The following GSN variants were observed in gnomAD, a reference collection of about 807,000 sequenced individuals.
The protein encoded by GSN is gelsolin.
GSN carries 56 observed loss-of-function variants against 85.7 expected under a neutral mutation model. The observed-to-expected ratio is 0.65, with a 90% CI of 0.53 to 0.82. The LOEUF is 0.82. GSN is among the 40% of genes least tolerant of loss of function. The pLI is 0.00. For synonymous variants in GSN, 373 were observed against 399.1 expected (o/e 0.93, Z 0.78); for missense variants, 857 against 979.8 (o/e 0.87, Z 1.67).
At chr9:121,203,839 G>A (rs577116273), upstream of GSN, among the ~76,000 whole-genome samples, 5 of 152,286 alleles carry the variant, frequency 3.3e-5, no homozygotes, top group Non-Finnish European at 7.4e-5. Context: ...TATATAATAA[G>A]AAATGGAAAT....
At chr9:121,303,448 G>A (rs964130327) in intron 4 of GSN, among the ~76,000 whole-genome samples, 2 of 152,228 alleles carry the variant, frequency 1.3e-5, no homozygotes, top group Admixed American at 1.3e-4. Flanking sequence ...CTTGCCAACA[G>A]AGGGCCCCGT....
chr9:121,300,366 T>C (rs1340057618), intron 2 of GSN, among the ~76,000 whole-genome samples: 1 of 152,136 alleles, frequency 6.6e-6, no homozygotes, highest in Non-Finnish European at 1.5e-5. Flanking sequence ...TACGATTCCT[T>C]GTTCTCATTT....
intron 1 of GSN, among the ~76,000 whole-genome samples, chr9:121,269,275 C>T (rs996479974): frequency 2.0e-5 from 3 of 152,192 alleles, no homozygotes; most frequent in East Asian, 1.9e-4. Context: ...TCTCACCGCT[C>T]TGCCGTTTAC....
intron 6 of GSN, among the ~76,000 whole-genome samples, chr9:121,260,679 G>A (rs1358457032): frequency 2.0e-5 from 3 of 152,214 alleles, no homozygotes; most frequent in Non-Finnish European, 4.4e-5. Flanking sequence ...AGACTCAGAG[G>A]AGTGGATGAC....
chr9:121,286,880 C>T (rs555509527), intron 2 of GSN: 8 of 824,118 alleles, frequency 9.7e-6, no homozygotes, highest in African/African-American at 3.4e-5. Context: ...TTTGTTCCTC[C>T]GTCTATAAAA....
chr9:121,283,385 C>T (rs1350076247), intron 2 of GSN: 1 of 154,866 alleles, frequency 6.5e-6, no homozygotes, highest in African/African-American at 2.4e-5. Flanking sequence ...GCAACCTCCT[C>T]CTCCCAGGTA....
At position 121,329,697 on chromosome 9, in the gene GSN, C is replaced by T. The variant is rs981389132; in HGVS notation, c.1965+382C>T. Among the ~76,000 whole-genome samples the T allele has an allele frequency of 1.1e-4, 16 of 152,206 alleles. No homozygotes were observed. The highest frequency in any genetic ancestry group is 3.2e-3 in the Middle Eastern group (1 of 316). ...TAAACTGTCCAGTGTCACCTAGAGG[C>T]TCTAGAGGGCTCCTGCTTCTGGTTT... is the stretch of plus-strand genomic sequence containing the variant. On this transcript the variant is annotated intron_variant, in intron 16 of 17. Coordinates refer to ENST00000432226, the MANE Select transcript of GSN (RefSeq NM_198252.3). This position sits in a 1 kb window ranked among gnomAD's most constrained non-coding sequence, Gnocchi z 4.6.
At chr9:121,245,797 A>C (rs1456216213) in intron 5 of GSN, among the ~76,000 whole-genome samples, 1 of 152,212 alleles carries the variant, frequency 6.6e-6, no homozygotes, top group Non-Finnish European at 1.5e-5. Flanking sequence ...GCTGGAGTGC[A>C]GAGGCTATTC....
intron 6 of GSN, among the ~76,000 whole-genome samples, chr9:121,258,019 C>T (rs2055003434): frequency 6.6e-6 from 1 of 152,168 alleles, no homozygotes; most frequent in African/African-American, 2.4e-5. Flanking sequence ...TCTATAATTG[C>T]TTAAATGTGA....
chr9:121,299,765 GGC>G lies in GSN; in HGVS notation c.-9-2196_-9-2195del. On this transcript the variant is annotated intron_variant, in intron 2 of 17. Coordinates refer to ENST00000432226, the MANE Select transcript of GSN (RefSeq NM_198252.3). The surrounding 1 kb of genome is among the most constrained non-coding windows in gnomAD (Gnocchi z 4.2). The stretch of plus-strand genomic sequence containing the variant: ...TCCCCGCCCCGCGCCCTCCCTGGGG[GGC>G]GGTCCCCGGCTTGGGCGGGATGGGC... 1 of 1,197,288 alleles carries G rather than the reference GGC, an allele frequency of 8.4e-7. No homozygotes were observed. The allele number at this position is 1,197,288 out of a possible 1,614,324, so 74.2% of individuals were successfully genotyped here. A position where few individuals can be genotyped will look rare whatever the true frequency, so the allele number is the denominator to read the frequency against.
intron 2 of GSN, among the ~76,000 whole-genome samples, chr9:121,295,321 T>C (rs1405083170): frequency 2.0e-5 from 3 of 152,234 alleles, no homozygotes; most frequent in Non-Finnish European, 4.4e-5. Context: ...GTTTCATAAC[T>C]GGCTTCTCTG....
chr9:121,242,232 A>G (rs561992114), intron 5 of GSN, among the ~76,000 whole-genome samples: 13 of 152,314 alleles, frequency 8.5e-5, no homozygotes, highest in Admixed American at 6.5e-4. Flanking sequence ...CATAATTACC[A>G]TCATTATTAT....
intron 5 of GSN, among the ~76,000 whole-genome samples, chr9:121,233,130 A>G (rs1588446973): frequency 2.0e-5 from 3 of 151,948 alleles, no homozygotes; most frequent in African/African-American, 4.8e-5. Context: ...AAGACTAACA[A>G]CCTCCTCTTC....
chr9:121,239,290 G>T, intron 5 of GSN: 1 of 389,828 alleles, frequency 2.6e-6, no homozygotes, highest in Non-Finnish European at 5.0e-6. Context: ...CAGAAATTCG[G>T]CTGTGGTTAG....
intron 2 of GSN, among the ~76,000 whole-genome samples, chr9:121,289,890 G>A (rs1271736160): frequency 6.6e-6 from 1 of 152,200 alleles, no homozygotes; most frequent in Non-Finnish European, 1.5e-5. Context: ...CTGCACCGAG[G>A]TCTGCAGAAG....
chr9:121,228,883 G>C (rs879627604), intron 4 of GSN, among the ~76,000 whole-genome samples: 1 of 152,022 alleles, frequency 6.6e-6, no homozygotes, highest in Non-Finnish European at 1.5e-5. Flanking sequence ...ACACATGCTC[G>C]CTCTGTTTCT....
At chr9:121,306,169 A>T (rs901691255) in intron 4 of GSN, among the ~76,000 whole-genome samples, 1 of 152,168 alleles carries the variant, frequency 6.6e-6, no homozygotes, top group Non-Finnish European at 1.5e-5. Flanking sequence ...CCATTGTTCA[A>T]ATGGAATCTG....
the GSN span, chr9:121,201,998 G>C: frequency 2.6e-5 from 4 of 152,506 alleles, no homozygotes; most frequent in African/African-American, 9.6e-5. Flanking sequence ...CGCTAGCCAC[G>C]CCCCTTCCTC....
chr9:121,314,570 A>C (rs533314789), intron 7 of GSN, among the ~76,000 whole-genome samples: 3 of 152,324 alleles, frequency 2.0e-5, no homozygotes, highest in Admixed American at 2.0e-4. Flanking sequence ...GTAAAACAAC[A>C]AAAAGGGGAT....
Sources: allele counts gnomAD v4.1 joint callset (sites outside exome capture counted in the v4.1 genomes callset), GRCh38; gene constraint gnomAD v4.1.1; non-coding constraint Gnocchi (gnomAD v3.1); transcripts MANE v1.5; gene names NCBI Gene and HGNC (gene_info 2026-07-23, HGNC 2026-07-21).